The following PHF24 variants were observed in gnomAD, a reference collection of about 807,000 sequenced individuals.
PHF24 encodes the protein Galpha inhibitory interacting protein.
Under a neutral mutation model 42.6 loss-of-function variants are expected in PHF24, and 25 were observed. The ratio of observed to expected loss-of-function variants is 0.59; its 90% CI spans 0.43 to 0.82. The LOEUF (loss-of-function observed/expected upper bound fraction) is 0.82. Among genes scored for constraint, PHF24 ranks in the 40% least tolerant of loss-of-function variants. The pLI, the probability that PHF24 is intolerant of heterozygous loss-of-function variation, is 0.00. For synonymous variants in PHF24, 185 were observed against 204.8 expected, an observed-to-expected ratio of 0.90 and a Z score of 0.83; for missense variants, 470 against 538.1, an observed-to-expected ratio of 0.87 and a Z score of 1.25.
intron 4 of PHF24, 27 bp downstream of exon 4, chr9:34,976,257 G>A (rs752112814): frequency 2.5e-5 from 40 of 1,581,704 alleles, no homozygotes; most frequent in Non-Finnish European, 3.5e-5. Flanking sequence ...CTGCATGGAT[G>A]GAGAGGGGCC....
chr9:34,915,095 C>T, the PHF24 span, among the ~76,000 whole-genome samples: 100 of 139,218 alleles, frequency 7.2e-4, no homozygotes, highest in Admixed American at 3.8e-3. Context: ...TGCAGTGGCA[C>T]GATCACAGCT....
the PHF24 span, chr9:34,728,709 G>A: frequency 4.0e-6 from 6 of 1,485,772 alleles, no homozygotes; most frequent in Non-Finnish European, 5.5e-6. Flanking sequence ...TCTTTCTCAT[G>A]TCCAAAATGA....
At chr9:34,875,307 C>A in the PHF24 span, among the ~76,000 whole-genome samples, 1 of 152,122 alleles carries the variant, frequency 6.6e-6, no homozygotes. Flanking sequence ...TTAGAGGTAA[C>A]CAACTTTAAA....
At chr9:34,902,591 C>CCTT in the PHF24 span, among the ~76,000 whole-genome samples, 118 of 152,156 alleles carry the variant, frequency 7.8e-4, no homozygotes, top group African/African-American at 2.8e-3. Context: ...GAGGTCAAGG[C>CCTT]TACAGTGAAC....
chr9:34,759,876 T>A, the PHF24 span, among the ~76,000 whole-genome samples: 3 of 152,162 alleles, frequency 2.0e-5, no homozygotes, highest in African/African-American at 7.2e-5. Context: ...CCAAAAATAG[T>A]CTCATGTCTT....
chr9:34,708,981 A>ACGCCGTCT, the PHF24 span: 1 of 184,624 alleles, frequency 5.4e-6, no homozygotes. Flanking sequence ...ATCTCGGTGG[A>ACGCCGTCT]CATAAACACA....
At chr9:34,824,122 G>A in the PHF24 span, among the ~76,000 whole-genome samples, 1 of 152,230 alleles carries the variant, frequency 6.6e-6, no homozygotes, top group Non-Finnish European at 1.5e-5. Context: ...AGCTTGGCAG[G>A]TAAGAGCCAC....
the PHF24 span, among the ~76,000 whole-genome samples, chr9:34,941,797 T>C: frequency 1.3e-5 from 2 of 152,084 alleles, no homozygotes; most frequent in Non-Finnish European, 2.9e-5. Flanking sequence ...ATTAATCCCA[T>C]TCATTTCTAC....
chr9:34,685,561 C>A, the PHF24 span, among the ~76,000 whole-genome samples: 1 of 152,200 alleles, frequency 6.6e-6, no homozygotes, highest in Non-Finnish European at 1.5e-5. Flanking sequence ...CTAGACTTCC[C>A]AGCCCCCAGC....
the PHF24 span, among the ~76,000 whole-genome samples, chr9:34,847,129 C>G: frequency 5.3e-5 from 8 of 152,150 alleles, no homozygotes; most frequent in African/African-American, 1.9e-4. Flanking sequence ...TTTTCCAGTT[C>G]TGTGAAGAAA....
upstream of PHF24, among the ~76,000 whole-genome samples, chr9:34,954,589 T>A (rs1003343867): frequency 1.3e-5 from 2 of 152,186 alleles, no homozygotes; most frequent in South Asian, 4.1e-4. Flanking sequence ...GCATTCTGAT[T>A]TCCCCCCACA....
At chr9:34,850,782 G>T in the PHF24 span, among the ~76,000 whole-genome samples, 1 of 152,278 alleles carries the variant, frequency 6.6e-6, no homozygotes, top group South Asian at 2.1e-4. Context: ...TTTTTGGTGT[G>T]GATGTCCTTT....
At chr9:34,749,575 T>TA in the PHF24 span, among the ~76,000 whole-genome samples, 1 of 150,766 alleles carries the variant, frequency 6.6e-6, no homozygotes, top group African/African-American at 2.4e-5. Context: ...TCAATTTTTT[T>TA]TTTCTGTTCA....
At chr9:34,777,175 G>A in the PHF24 span, among the ~76,000 whole-genome samples, 1 of 152,194 alleles carries the variant, frequency 6.6e-6, no homozygotes, top group Non-Finnish European at 1.5e-5. Flanking sequence ...GGGGGTCCAG[G>A]TGGGCTGATT....
chr9:34,960,334 A>C (rs2132851557), intron 1 of PHF24, among the ~76,000 whole-genome samples: 1 of 152,314 alleles, frequency 6.6e-6, no homozygotes, highest in South Asian at 2.1e-4. Flanking sequence ...GAGGAGAGAG[A>C]CCAAGCTAGT....
chr9:34,699,875 A>G, the PHF24 span, among the ~76,000 whole-genome samples: 1 of 152,240 alleles, frequency 6.6e-6, no homozygotes, highest in African/African-American at 2.4e-5. Flanking sequence ...AGAAAAATCT[A>G]TACTATCTCA....
At position 34,972,426 on chromosome 9, in the gene PHF24, T is replaced by C. The variant is rs1299094459; in HGVS notation, c.459T>C (p.Val153=). The C allele has an allele frequency of 1.9e-6, 3 of 1,614,116 alleles. No homozygotes were observed. The South Asian group carries it at 3.3e-5, about 18-fold the overall frequency. ...TCCCGTGCAGGGTCTGCACCAGGGT[T>C]TTCCATGATGGCTGCCTGCGCCGCA... is the stretch of plus-strand genomic sequence containing the variant. The change falls in exon 3 of 8, where the codon GTT becomes GTC. Residue 153 remains valine (V), a synonymous_variant. Coordinates refer to ENST00000242315, the Ensembl canonical transcript of PHF24.
chr9:34,822,330 G>A, the PHF24 span, among the ~76,000 whole-genome samples: 4 of 152,066 alleles, frequency 2.6e-5, no homozygotes, highest in African/African-American at 9.7e-5. Flanking sequence ...TTCTGTTGAT[G>A]ATGAATTGTT....
the PHF24 span, among the ~76,000 whole-genome samples, chr9:34,854,000 T>TCAAGA: frequency 6.6e-6 from 1 of 152,106 alleles, no homozygotes; most frequent in South Asian, 2.1e-4. Flanking sequence ...CCTAATTTAG[T>TCAAGA]CTTGGGAGGC....
Sources: gnomAD v4.1 joint callset for allele counts (sites outside exome capture counted in the v4.1 genomes callset) on GRCh38, gnomAD v4.1.1 for gene constraint, MANE v1.5 for transcripts, NCBI Gene and HGNC (gene_info 2026-07-23, HGNC 2026-07-21) for gene names.